The following HSPG2 variants were observed in gnomAD, a reference collection of about 807,000 sequenced individuals.
HSPG2 encodes basement membrane-specific heparan sulfate proteoglycan core protein.
Under a neutral mutation model 526.6 loss-of-function variants are expected in HSPG2, and 278 were observed. That is an observed-to-expected ratio of 0.53 (90% confidence interval 0.48 to 0.58). The LOEUF is 0.58. Ranked by LOEUF, HSPG2 falls within the 20% of genes least tolerant of loss-of-function variation. The probability of loss-of-function intolerance (pLI) is 0.00; values close to 1 mark genes in which losing one functional copy is unlikely to be tolerated. For missense variants in HSPG2, 5,354 were observed against 6,099.5 expected (o/e 0.88, Z 4.07); for synonymous variants, 2,465 against 2,555.4 (o/e 0.96, Z 1.07).
Position 21,865,455 on chromosome 1 carries a change from C to T in HSPG2, c.4315-90G>A. On this transcript the variant is annotated intron_variant, in intron 34 of 96. Coordinates refer to ENST00000374695, the MANE Select transcript of HSPG2 (RefSeq NM_005529.7). This position sits in a 1 kb window ranked among gnomAD's most constrained non-coding sequence, Gnocchi z 5.4. ...CACCAGTCCTAGATTCTCTGTAACC[C>T]CCAGCCTCCCACCTCTCTGCTCTCC... 8.0e-7 allele frequency: 1 copy of T among 1,242,570 alleles called. No homozygotes were observed. The highest frequency in any genetic ancestry group is 1.2e-6 in the Non-Finnish European group (1 of 847,064). 77.0% of individuals were successfully genotyped at this position (1,242,570 alleles called of 1,614,324 possible).
chr1:21,874,886 C>G lies in HSPG2; in HGVS notation c.3414+5G>C, dbSNP rs764695599. On this transcript the variant is annotated splice_donor_5th_base_variant and intron_variant, in intron 26 of 96. Coordinates refer to ENST00000374695, the MANE Select transcript of HSPG2 (RefSeq NM_005529.7). Reference sequence around the variant, plus strand: ...GGCTGGGCTGGCGTGGGGCCCAGGACTCACCTGGCAGGACGGCCCACGGTA... The same window carrying G: ...GGCTGGGCTGGCGTGGGGCCCAGGAGTCACCTGGCAGGACGGCCCACGGTA... The G allele has an allele frequency of 6.2e-7, 1 of 1,608,028 alleles. No individual in the cohort carries two copies. The highest frequency in any genetic ancestry group is 1.7e-5 in the Admixed American group (1 of 59,652).
chr1:21,858,967 G>A lies in HSPG2; in HGVS notation c.5293+599C>T, dbSNP rs2124369. 0.13 allele frequency among the ~76,000 whole-genome samples: 19,181 copies of A among 151,848 alleles called. 1,386 individuals are homozygous for A. Among genetic ancestry groups the A allele is most frequent in the South Asian group, 0.25 (1,196 of 4,806 alleles). On this transcript the variant is annotated intron_variant, in intron 42 of 96. Transcript: ENST00000374695. This position sits in a 1 kb window ranked among gnomAD's most constrained non-coding sequence, Gnocchi z 4.2. Reference sequence around the variant, plus strand: ...ACTGCTCACGGTGGCAATCTGCTTGGTGACACAGCCTTTATGGACGCCCTC... The same window carrying A: ...ACTGCTCACGGTGGCAATCTGCTTGATGACACAGCCTTTATGGACGCCCTC...
At chr1:21,875,479 G>A in intron 25 of HSPG2, 150 bp downstream of exon 25, 2 of 713,136 alleles carry the variant, frequency 2.8e-6, no homozygotes, top group South Asian at 1.5e-5. Flanking sequence ...AGCCTGTATG[G>A]GAGACATTGT....
intron 1 of HSPG2, among the ~76,000 whole-genome samples, chr1:21,896,799 C>T (rs900761014): frequency 8.5e-5 from 13 of 152,172 alleles, no homozygotes; most frequent in African/African-American, 3.1e-4. Context: ...GCAGCTCCTC[C>T]CCAGGCCATT....
In HSPG2 at chr1:21,842,198, C is replaced by A. The variant is rs374902566; in HGVS notation, c.9052+41G>T. On this transcript the variant is annotated intron_variant, in intron 68 of 96. Transcript: ENST00000374695. ...AGCAGGGGTGGGCTTAGCTTCAGGGCCCTCCCTTCCCCCCTTGCCCATGGC... is the reference window on the plus strand; with the variant it reads ...AGCAGGGGTGGGCTTAGCTTCAGGGACCTCCCTTCCCCCCTTGCCCATGGC... 12 of 1,612,606 alleles carry A rather than the reference C, an allele frequency of 7.4e-6. No individual in the cohort carries two copies. In the African/African-American group the frequency reaches 1.2e-4, roughly 16 times the overall value.
intron 1 of HSPG2, among the ~76,000 whole-genome samples, chr1:21,929,819 C>G (rs1644303040): frequency 1.3e-5 from 2 of 152,090 alleles, no homozygotes; most frequent in South Asian, 4.1e-4. Flanking sequence ...ACTAGCAAAT[C>G]CTGGTGACCC....
At position 21,832,242 on chromosome 1, in the gene HSPG2, GATGC is replaced by G. The variant is rs145358134; in HGVS notation, c.11207+249_11207+252del. On this transcript the variant is annotated intron_variant, in intron 81 of 96. Transcript: ENST00000374695. ...CACATGGGGTGGTCAGCAAATAACTGATGCATGCATGCATGAATGAATGAATGAA... is the reference window on the plus strand; with the variant it reads ...CACATGGGGTGGTCAGCAAATAACTGATGCATGCATGAATGAATGAATGAA... Among the ~76,000 whole-genome samples, 3,321 of 152,250 alleles carry G rather than the reference GATGC, an allele frequency of 0.022. 106 individuals are homozygous for G. Among genetic ancestry groups the G allele is most frequent in the African/African-American group, 0.075 (3,120 of 41,524 alleles).
chr1:21,874,848 C>T (rs1474724702), intron 26 of HSPG2, 43 bp downstream of exon 26: 2 of 1,554,880 alleles, frequency 1.3e-6, no homozygotes, highest in Non-Finnish European at 1.8e-6. Flanking sequence ...CGGGAAGCAC[C>T]ATGGAGGGGG....
In HSPG2 at chr1:21,847,859, G is replaced by A. The variant is rs750025665; in HGVS notation, c.7874-19C>T. ...CTGGGCACTGGGGACAGACGGGTGT[G>A]GACCACGCAGCCAGAGTGAGATAAC... On this transcript the variant is annotated intron_variant, in intron 60 of 96. Transcript: ENST00000374695. The surrounding 1 kb of genome is among the most constrained non-coding windows in gnomAD (Gnocchi z 4.1). 6.0e-5 allele frequency: 97 copies of A among 1,613,784 alleles called. No individual in the cohort carries two copies. Among genetic ancestry groups the A allele is most frequent in the Non-Finnish European group, 8.1e-5 (96 of 1,180,036 alleles).
At chr1:21,827,771 C>T (rs1187428985) in intron 91 of HSPG2, 92 bp downstream of exon 91, 2 of 1,282,892 alleles carry the variant, frequency 1.6e-6, no homozygotes, top group Non-Finnish European at 2.2e-6. Context: ...TCATATAAAG[C>T]TGTTTTGCTT....
At chr1:21,936,218 GTCC>G (rs1180918699) in intron 1 of HSPG2, among the ~76,000 whole-genome samples, 6 of 152,098 alleles carry the variant, frequency 3.9e-5, no homozygotes, top group South Asian at 2.1e-4. Context: ...ACCCCACCCA[GTCC>G]TCCTCAAGTT....
intron 1 of HSPG2, among the ~76,000 whole-genome samples, chr1:21,915,762 A>AT (rs113163773): frequency 1.3e-5 from 2 of 152,130 alleles, no homozygotes; most frequent in Admixed American, 6.6e-5. Flanking sequence ...AAGAAACTGA[A>AT]TTTTTTGCCG....
chr1:21,884,515 C>G lies in HSPG2; in HGVS notation c.1654+13G>C, dbSNP rs774120746. 3 of 1,611,030 alleles carry G rather than the reference C, an allele frequency of 1.9e-6. No individual in the cohort carries two copies. The South Asian group carries it at 3.3e-5, about 18-fold the overall frequency. On this transcript the variant is annotated intron_variant, in intron 13 of 96. Transcript: ENST00000374695. ...TCCCACCTCCCGCAGCGCTCACCCG[C>G]CCGCCAACGCACCCTTGAAGTCATC... is the stretch of plus-strand genomic sequence containing the variant.
At chr1:21,833,964 A>G in intron 77 of HSPG2, 39 bp from the exon 78 acceptor site, 1 of 1,373,818 alleles carries the variant, frequency 7.3e-7, no homozygotes, top group East Asian at 2.5e-5. Flanking sequence ...TCAACATGAC[A>G]GTCACAGATA....
In HSPG2 at chr1:21,824,149, C is replaced by T. The variant is rs781611518; in HGVS notation, c.12871G>A (p.Gly4291Ser). The T allele has an allele frequency of 1.6e-5, 26 of 1,613,490 alleles. No individual in the cohort carries two copies. The highest frequency in any genetic ancestry group is 3.3e-5 in the Admixed American group (2 of 60,002). The change falls in exon 95 of 97, where the codon GGC (glycine) becomes AGC (serine). Residue 4291 changes from glycine to serine, a missense_variant. Physicochemically the swap from Gly to Ser is moderately conservative, Grantham distance 56. Coordinates refer to ENST00000374695, the MANE Select transcript of HSPG2 (RefSeq NM_005529.7). The surrounding 1 kb of genome is among the most constrained non-coding windows in gnomAD (Gnocchi z 5.9). ...AGTGCTGTCACCCGGTGCCACTCGC[C>T]GTCATTGATGGGGTCCTCAGAGACC... ...RLVSEDPINDGEWHRVTALRE... is the reference protein window; with the variant it reads ...RLVSEDPINDSEWHRVTALRE...
chr1:21,861,963 T>C, intron 38 of HSPG2, 25 bp downstream of exon 38: 2 of 1,614,230 alleles, frequency 1.2e-6, no homozygotes, highest in Admixed American at 3.3e-5. Flanking sequence ...AAGTGTGTCC[T>C]TGGGCCTTGA....
Position 21,842,138 on chromosome 1 carries a change from A to T in HSPG2, c.9057T>A (p.Leu3019=). The stretch of plus-strand genomic sequence containing the variant: ...GGTCGATGGAGATGACCGGGCTCCT[A>T]AGGCCTGGGGCCAAAGGGGCAGAGG... The part of the protein sequence containing the change: ...VPPSEGSSYR[L]RSPVISIDPP... Residue 3019 remains leucine, a synonymous_variant, in exon 69 of 97, where the codon CTT becomes CTA. Transcript: ENST00000374695. 1 of 1,613,686 alleles carries T rather than the reference A, an allele frequency of 6.2e-7. No individual in the cohort carries two copies. Among genetic ancestry groups the T allele is most frequent in the Non-Finnish European group, 8.5e-7 (1 of 1,179,972 alleles).
In HSPG2 at chr1:21,841,299, T is replaced by C. The variant is rs1304912055; in HGVS notation, c.9329-14A>G. The C allele has an allele frequency of 1.9e-6, 3 of 1,613,036 alleles. No homozygotes were observed. The highest frequency in any genetic ancestry group is 2.5e-6 in the Non-Finnish European group (3 of 1,179,700). Reference sequence around the variant, plus strand: ...CTGTAGGGGGCCCTGTGCGGAGGAATGACAACCACTGACACACAGGCAGGG... The same window carrying C: ...CTGTAGGGGGCCCTGTGCGGAGGAACGACAACCACTGACACACAGGCAGGG... On this transcript the variant is annotated splice_polypyrimidine_tract_variant and intron_variant, in intron 70 of 96. Transcript: ENST00000374695.
At chr1:21,916,065 G>GAAAAAAA (rs199842142) in intron 1 of HSPG2, among the ~76,000 whole-genome samples, 2 of 81,630 alleles carry the variant, frequency 2.5e-5, no homozygotes, top group Admixed American at 1.5e-4. Context: ...AAGAAAAGAA[G>GAAAAAAA]AAGAAGAAAA....
Sources: allele counts gnomAD v4.1 joint callset (sites outside exome capture counted in the v4.1 genomes callset), GRCh38; gene constraint gnomAD v4.1.1; non-coding constraint Gnocchi (gnomAD v3.1); transcripts MANE v1.5; gene names NCBI Gene and HGNC (gene_info 2026-07-23, HGNC 2026-07-21).